Variants in KCNQ5 observed in about 807,000 individuals in gnomAD.
The protein encoded by KCNQ5 is potassium voltage-gated channel subfamily Q member 5.
Under a neutral mutation model 98.2 loss-of-function variants are expected in KCNQ5, and 30 were observed. That is an observed-to-expected ratio of 0.31 (90% CI 0.23 to 0.41). KCNQ5 has a LOEUF of 0.41. Among genes scored for constraint, KCNQ5 ranks in the 10% least tolerant of loss-of-function variants. The probability of loss-of-function intolerance (pLI) is 1.00; values close to 1 mark genes in which losing one functional copy is unlikely to be tolerated. For missense variants in KCNQ5, 835 were observed against 1,182.5 expected (o/e 0.71, Z 4.31); for synonymous variants, 458 against 449.4 (o/e 1.02, Z -0.24).
At chr6:72,906,369 G>A (rs1241373757) in intron 1 of KCNQ5, among the ~76,000 whole-genome samples, 1 of 152,192 alleles carries the variant, frequency 6.6e-6, no homozygotes, top group African/African-American at 2.4e-5. Flanking sequence ...CCCTGCCTGT[G>A]GAGTCTGCAC....
intron 1 of KCNQ5, among the ~76,000 whole-genome samples, chr6:72,857,815 A>G (rs978882488): frequency 5.3e-5 from 8 of 152,212 alleles, no homozygotes; most frequent in African/African-American, 1.2e-4. Context: ...AGTGCATGGC[A>G]TGGACCCTAC....
intron 1 of KCNQ5, among the ~76,000 whole-genome samples, chr6:72,798,098 C>T (rs1031006475): frequency 6.6e-6 from 1 of 152,064 alleles, no homozygotes; most frequent in Non-Finnish European, 1.5e-5. Context: ...GGGTGTAAAT[C>T]CTCTAATACT....
chr6:72,843,181 A>G (rs186098485), intron 1 of KCNQ5, among the ~76,000 whole-genome samples: 1 of 152,216 alleles, frequency 6.6e-6, no homozygotes, highest in Non-Finnish European at 1.5e-5. Flanking sequence ...GAAGGGGTTC[A>G]GTTTCAGTTT....
rs1355637532 is a variant in KCNQ5 at position 72,700,356 on chromosome 6, T to C, written c.398+77769T>C. The stretch of plus-strand genomic sequence containing the variant: ...CTATCTAATCTATCTTAGTTTAAGG[T>C]ATTCTGAATTCTTCAAACAATTTCT... On this transcript the variant is annotated intron_variant, in intron 1 of 13. Coordinates refer to ENST00000370398, the MANE Select transcript of KCNQ5 (RefSeq NM_019842.4). Among the ~76,000 whole-genome samples the C allele has an allele frequency of 2.0e-5, 3 of 152,126 alleles. No individual in the cohort carries two copies. The East Asian group carries it at 5.8e-4, about 29-fold the overall frequency.
intron 1 of KCNQ5, among the ~76,000 whole-genome samples, chr6:72,869,268 C>A (rs1207992766): frequency 6.6e-6 from 1 of 152,090 alleles, no homozygotes; most frequent in African/African-American, 2.4e-5. Flanking sequence ...AGGCTGTCTC[C>A]CCAGTTGTCA....
rs184249190 is a variant in KCNQ5, at chr6:73,167,118, C to T, written c.1469-2628C>T. ...AAAGAATGTCATCAAACCATGGGCA[C>T]GATGTTTATGGGCTAAAAAGACTGT... On this transcript the variant is annotated intron_variant, in intron 10 of 13. Coordinates refer to ENST00000370398, the MANE Select transcript of KCNQ5 (RefSeq NM_019842.4). Among the ~76,000 whole-genome samples the T allele has an allele frequency of 1.8e-3, 268 of 152,218 alleles. 2 individuals are homozygous for T. Among genetic ancestry groups the T allele is most frequent in the African/African-American group, 5.9e-3 (245 of 41,550 alleles).
intron 1 of KCNQ5, among the ~76,000 whole-genome samples, chr6:72,920,001 C>A (rs1780321283): frequency 6.6e-6 from 1 of 152,058 alleles, no homozygotes; most frequent in Non-Finnish European, 1.5e-5. Flanking sequence ...GCCTCTACCT[C>A]CATTATATAA....
chr6:73,154,210 A>G (rs879489098), intron 10 of KCNQ5, among the ~76,000 whole-genome samples: 4 of 152,138 alleles, frequency 2.6e-5, no homozygotes, highest in African/African-American at 9.7e-5. Context: ...TTTTATTTCT[A>G]TGGGAACTCA....
At chr6:73,177,811 A>G (rs1489269973) in intron 11 of KCNQ5, among the ~76,000 whole-genome samples, 1 of 152,256 alleles carries the variant, frequency 6.6e-6, no homozygotes, top group Admixed American at 6.5e-5. Flanking sequence ...ATCATTTAGC[A>G]CATATCTTTA....
chr6:72,826,030 C>G (rs1775979514), intron 1 of KCNQ5, among the ~76,000 whole-genome samples: 1 of 152,064 alleles, frequency 6.6e-6, no homozygotes, highest in Admixed American at 6.6e-5. Context: ...GGTGGAAAAG[C>G]CATTCTGATT....
intron 11 of KCNQ5, among the ~76,000 whole-genome samples, chr6:73,183,290 C>T (rs745778672): frequency 4.6e-5 from 7 of 152,154 alleles, no homozygotes; most frequent in Admixed American, 1.3e-4. Flanking sequence ...AGTTCTGTGA[C>T]CTTGAACAGG....
intron 1 of KCNQ5, among the ~76,000 whole-genome samples, chr6:72,848,401 T>G (rs1202694910): frequency 6.6e-6 from 1 of 152,122 alleles, no homozygotes; most frequent in Non-Finnish European, 1.5e-5. Context: ...TTCCCCTTAA[T>G]AGTGATAAAG....
intron 1 of KCNQ5, among the ~76,000 whole-genome samples, chr6:72,633,514 G>T (rs1010443931): frequency 1.3e-5 from 2 of 152,156 alleles, no homozygotes; most frequent in African/African-American, 4.8e-5. Context: ...AAACTACAAT[G>T]CCATTCTTCA....
chr6:72,717,286 T>C lies in KCNQ5; in HGVS notation c.398+94699T>C, dbSNP rs369144120. 4.0e-4 allele frequency among the ~76,000 whole-genome samples: 61 copies of C among 152,346 alleles called. 2 individuals are homozygous for C. Among genetic ancestry groups the C allele is most frequent in the African/African-American group, 1.4e-3 (57 of 41,580 alleles). ...CAGTAAGTTATTGTATATCTCAAAA[T>C]TGCTAGAAGAAGGGAATTTTTATGT... On this transcript the variant is annotated intron_variant, in intron 1 of 13. Coordinates refer to ENST00000370398, the MANE Select transcript of KCNQ5 (RefSeq NM_019842.4).
rs146589362 is a variant in KCNQ5 at position 72,828,440 on chromosome 6, AC to A, written c.399-175466del. On this transcript the variant is annotated intron_variant, in intron 1 of 13. Transcript: ENST00000370398. ...GTAGGGTTCCTTATAGAGGACTTTCACCTTCTTGGTTAAATTTATTGCTAGG... is the reference window on the plus strand; with the variant it reads ...GTAGGGTTCCTTATAGAGGACTTTCACTTCTTGGTTAAATTTATTGCTAGG... 2.9e-3 allele frequency among the ~76,000 whole-genome samples: 437 copies of A among 151,912 alleles called. 2 individuals are homozygous for A. Among genetic ancestry groups the A allele is most frequent in the African/African-American group, 0.01 (416 of 41,468 alleles).
chr6:72,744,463 A>G (rs1331813671), intron 1 of KCNQ5, among the ~76,000 whole-genome samples: 2 of 152,204 alleles, frequency 1.3e-5, no homozygotes, highest in Non-Finnish European at 2.9e-5. Context: ...CAATATATGT[A>G]CTATGATGTT....
intron 1 of KCNQ5, among the ~76,000 whole-genome samples, chr6:72,920,406 C>G (rs1260444416): frequency 6.6e-6 from 1 of 152,078 alleles, no homozygotes. Context: ...TGGTTTGATC[C>G]CTTTAAAAAT....
Position 72,814,181 on chromosome 6 carries a change from A to G in KCNQ5, c.399-189727A>G, listed in dbSNP as rs139950363. ...AGGGAAGGGTGGGAAGCAGAAGACA[A>G]GGCGGTGGTCCTGTCCACCCTGGAA... is the stretch of plus-strand genomic sequence containing the variant. On this transcript the variant is annotated intron_variant, in intron 1 of 13. Coordinates refer to ENST00000370398, the MANE Select transcript of KCNQ5 (RefSeq NM_019842.4). 1.4e-4 allele frequency among the ~76,000 whole-genome samples: 22 copies of G among 152,320 alleles called. No individual in the cohort carries two copies. In the East Asian group the frequency reaches 4.3e-3, roughly 29 times the overall value.
chr6:72,993,980 G>A (rs1769148491), intron 1 of KCNQ5, among the ~76,000 whole-genome samples: 1 of 68,942 alleles, frequency 1.5e-5, no homozygotes, highest in Non-Finnish European at 2.8e-5. Context: ...TCGGGGGTCA[G>A]GGGTCAGGGA....
Sources: gnomAD v4.1 joint callset for allele counts (sites outside exome capture counted in the v4.1 genomes callset) on GRCh38, gnomAD v4.1.1 for gene constraint, MANE v1.5 for transcripts, NCBI Gene and HGNC (gene_info 2026-07-23, HGNC 2026-07-21) for gene names.